The following JAZF1 variants were observed in gnomAD, a reference collection of about 807,000 sequenced individuals.
JAZF1 encodes JAZF zinc finger 1.
A neutral mutation model predicts 26.4 loss-of-function variants in JAZF1; 8 were observed. That is an observed-to-expected ratio of 0.30 (90% CI 0.18 to 0.55). JAZF1 has a LOEUF of 0.55. Ranked by LOEUF, JAZF1 falls within the 20% of genes least tolerant of loss-of-function variation. JAZF1 has a pLI of 0.94. For missense variants in JAZF1, 199 were observed against 322.0 expected (o/e 0.62, Z 2.92); for synonymous variants, 126 against 122.3 (o/e 1.03, Z -0.20).
At chr7:27,849,958 A>G (rs1300140384) in intron 3 of JAZF1, among the ~76,000 whole-genome samples, 3 of 152,094 alleles carry the variant, frequency 2.0e-5, no homozygotes, top group African/African-American at 7.3e-5. Context: ...AGATGGCCCA[A>G]TTCTGTTTTA....
chr7:27,927,612 T>C (rs556811397), intron 2 of JAZF1, among the ~76,000 whole-genome samples: 1 of 152,302 alleles, frequency 6.6e-6, no homozygotes, highest in East Asian at 1.9e-4. Context: ...TAAAGTAAAC[T>C]ATAAGCCTTT....
intron 3 of JAZF1, among the ~76,000 whole-genome samples, chr7:27,880,605 C>T (rs1332150042): frequency 1.3e-5 from 2 of 152,060 alleles, no homozygotes; most frequent in Non-Finnish European, 2.9e-5. Flanking sequence ...CGCACTCCAG[C>T]CTGGGTAACA....
At chr7:28,109,368 G>A (rs1325980079) in intron 1 of JAZF1, among the ~76,000 whole-genome samples, 7 of 151,976 alleles carry the variant, frequency 4.6e-5, no homozygotes, top group South Asian at 2.1e-4. Flanking sequence ...TCAATAAAGC[G>A]GGGAAAAATA....
intron 3 of JAZF1, among the ~76,000 whole-genome samples, chr7:27,885,028 G>A (rs1226797449): frequency 6.6e-6 from 1 of 152,172 alleles, no homozygotes; most frequent in Non-Finnish European, 1.5e-5. Context: ...AGGAAGGAGG[G>A]GAGGGAGTTT....
intron 2 of JAZF1, among the ~76,000 whole-genome samples, chr7:27,989,198 C>T (rs1275072675): frequency 6.6e-6 from 1 of 152,144 alleles, no homozygotes; most frequent in Non-Finnish European, 1.5e-5. Context: ...AAAGGATTCC[C>T]TATTTAATAA....
intron 3 of JAZF1, among the ~76,000 whole-genome samples, chr7:27,883,712 G>T (rs1288395027): frequency 3.3e-5 from 5 of 152,188 alleles, no homozygotes; most frequent in Non-Finnish European, 7.3e-5. Flanking sequence ...TTGGGTATTG[G>T]AAGACGTAGG....
rs1171272711 is a variant in JAZF1 at position 27,984,645 on chromosome 7, C to T, written c.188+7264G>A. On this transcript the variant is annotated intron_variant, in intron 2 of 4. Coordinates refer to ENST00000283928, the MANE Select transcript of JAZF1 (RefSeq NM_175061.4). ...AACTCTCCACCCCAAATCAGCAGAA[C>T]ATACATTCTTCTCAGCATCACATTG... 2.0e-5 allele frequency among the ~76,000 whole-genome samples: 3 copies of T among 152,152 alleles called. No individual in the cohort carries two copies. The East Asian group carries it at 5.8e-4, about 29-fold the overall frequency.
rs557699933 is a variant in JAZF1, at chr7:27,989,677, G to T, written c.188+2232C>A. ...ACATTTATGCAGCCAACAGACACATGAAAAAATGCTCATCATCACTGGCCA... is the reference window on the plus strand; with the variant it reads ...ACATTTATGCAGCCAACAGACACATTAAAAAATGCTCATCATCACTGGCCA... On this transcript the variant is annotated intron_variant, in intron 2 of 4. Transcript: ENST00000283928. Among the ~76,000 whole-genome samples the T allele has an allele frequency of 3.0e-4, 45 of 152,296 alleles. No individual in the cohort carries two copies. The East Asian group carries it at 7.5e-3, about 25-fold the overall frequency.
intron 3 of JAZF1, among the ~76,000 whole-genome samples, chr7:27,892,922 A>C (rs1783996566): frequency 6.6e-6 from 1 of 152,228 alleles, no homozygotes; most frequent in South Asian, 2.1e-4. Flanking sequence ...AAATCTATAT[A>C]ATGGGTATTA....
intron 1 of JAZF1, among the ~76,000 whole-genome samples, chr7:28,171,732 T>C (rs1783472234): frequency 6.6e-6 from 1 of 152,216 alleles, no homozygotes; most frequent in South Asian, 2.1e-4. Flanking sequence ...TTAACTAATA[T>C]GGTAGCATAT....
At chr7:27,914,246 G>C (rs916447314) in intron 2 of JAZF1, among the ~76,000 whole-genome samples, 1 of 152,182 alleles carries the variant, frequency 6.6e-6, no homozygotes, top group Non-Finnish European at 1.5e-5. Flanking sequence ...AGTAGTTATG[G>C]AGGTACCTGT....
chr7:28,052,458 T>C (rs1783632279), intron 1 of JAZF1, among the ~76,000 whole-genome samples: 1 of 152,230 alleles, frequency 6.6e-6, no homozygotes, highest in Admixed American at 6.5e-5. Flanking sequence ...CAATCCCTAT[T>C]GACCCCATCA....
At chr7:28,028,696 A>G (rs1452174929) in intron 1 of JAZF1, among the ~76,000 whole-genome samples, 1 of 152,224 alleles carries the variant, frequency 6.6e-6, no homozygotes. Context: ...CAACAACTCT[A>G]TTAAGCGTTG....
chr7:27,972,336 T>C (rs957026851), intron 2 of JAZF1, among the ~76,000 whole-genome samples: 1 of 152,086 alleles, frequency 6.6e-6, no homozygotes, highest in Non-Finnish European at 1.5e-5. Flanking sequence ...AGGGAGAGCA[T>C]CCCAGTAGAG....
intron 3 of JAZF1, among the ~76,000 whole-genome samples, chr7:27,856,521 C>A (rs1159722232): frequency 2.6e-5 from 4 of 152,216 alleles, no homozygotes. Flanking sequence ...CCACATCCTG[C>A]TGATTGGTCC....
chr7:28,005,843 G>A (rs1311320151), intron 1 of JAZF1, among the ~76,000 whole-genome samples: 1 of 150,678 alleles, frequency 6.6e-6, no homozygotes, highest in Non-Finnish European at 1.5e-5. Flanking sequence ...GGCTTCTGTG[G>A]AAGGACTTCT....
At position 28,093,324 on chromosome 7, in the gene JAZF1, C is replaced by T. The variant is rs1784332320; in HGVS notation, c.115+87139G>A. 2.6e-5 allele frequency among the ~76,000 whole-genome samples: 4 copies of T among 152,158 alleles called. No homozygotes were observed. The South Asian group carries it at 8.3e-4, about 32-fold the overall frequency. ...ATGGTTTTATAAGGGGTTTCCCTCA[C>T]TCGACGCATTCTCTCTTGTCTGCTG... On this transcript the variant is annotated intron_variant, in intron 1 of 4. Transcript: ENST00000283928.
chr7:27,856,016 CCAT>C (rs764580607), intron 3 of JAZF1, among the ~76,000 whole-genome samples: 4 of 152,214 alleles, frequency 2.6e-5, no homozygotes, highest in Non-Finnish European at 1.5e-5. Flanking sequence ...TTATCCACCA[CCAT>C]CGAGTTGGCT....
At chr7:28,023,787 C>CA (rs2128373352) in intron 1 of JAZF1, among the ~76,000 whole-genome samples, 2 of 152,278 alleles carry the variant, frequency 1.3e-5, no homozygotes, top group South Asian at 4.1e-4. Context: ...GGTAGACAGA[C>CA]AATGACAGCC....
Sources: allele counts gnomAD v4.1 joint callset (sites outside exome capture counted in the v4.1 genomes callset), GRCh38; gene constraint gnomAD v4.1.1; transcripts MANE v1.5; gene names NCBI Gene and HGNC (gene_info 2026-07-23, HGNC 2026-07-21).